The following DPYSL3 variants were observed in gnomAD, a reference collection of about 807,000 sequenced individuals.
DPYSL3 encodes the protein dihydropyrimidinase like 3, also known as dihydropyrimidinase-related protein 3.
A neutral mutation model predicts 66.1 loss-of-function variants in DPYSL3; 16 were observed. The observed-to-expected ratio is 0.24, with a 90% CI of 0.16 to 0.37. DPYSL3 has a LOEUF of 0.37. Ranked by LOEUF, DPYSL3 falls within the 10% of genes least tolerant of loss-of-function variation. The probability of loss-of-function intolerance (pLI) is 1.00; values close to 1 mark genes in which losing one functional copy is unlikely to be tolerated. For missense variants in DPYSL3, 738 were observed against 916.2 expected, an observed-to-expected ratio of 0.81 and a Z score of 2.51; for synonymous variants, 338 against 345.1, an observed-to-expected ratio of 0.98 and a Z score of 0.23.
At chr5:147,473,512 T>A (rs1221459816) in intron 1 of DPYSL3, among the ~76,000 whole-genome samples, 1 of 152,192 alleles carries the variant, frequency 6.6e-6, no homozygotes, top group Non-Finnish European at 1.5e-5. Context: ...TAAAGATTAA[T>A]CCACAGGTGA....
intron 1 of DPYSL3, among the ~76,000 whole-genome samples, chr5:147,495,692 G>A (rs1753491824): frequency 6.6e-6 from 1 of 152,116 alleles, no homozygotes; most frequent in Non-Finnish European, 1.5e-5. Flanking sequence ...AACTTACAAG[G>A]GATGTGAAGG....
chr5:147,405,594 T>C lies in DPYSL3; in HGVS notation c.1153+16A>G. 1.2e-6 allele frequency: 2 copies of C among 1,606,242 alleles called. No homozygotes were observed. Among genetic ancestry groups the C allele is most frequent in the South Asian group, 2.2e-5 (2 of 89,646 alleles). The stretch of plus-strand genomic sequence containing the variant: ...AGTGCCATCAGGGGCTCCGAGATCT[T>C]GGAAACACAAATCACCTTTTTTCCT... On this transcript the variant is annotated intron_variant, in intron 8 of 13. Transcript: ENST00000343218.
intron 8 of DPYSL3, among the ~76,000 whole-genome samples, chr5:147,403,554 T>TA (rs930698884): frequency 6.6e-6 from 1 of 152,090 alleles, no homozygotes; most frequent in African/African-American, 2.4e-5. Context: ...TTCTACACAA[T>TA]AAAAAAATTA....
chr5:147,458,518 C>T (rs994121302), intron 1 of DPYSL3, among the ~76,000 whole-genome samples: 2 of 152,212 alleles, frequency 1.3e-5, no homozygotes, highest in African/African-American at 2.4e-5. Flanking sequence ...TGTTCCTTTA[C>T]TTTCTTAATA....
chr5:147,395,387 G>A (rs1218682223), intron 13 of DPYSL3, among the ~76,000 whole-genome samples, 172 bp downstream of exon 13: 3 of 152,138 alleles, frequency 2.0e-5, no homozygotes, highest in Non-Finnish European at 2.9e-5. Flanking sequence ...AGGACCCCTT[G>A]TCAATTCAGG....
intron 1 of DPYSL3, among the ~76,000 whole-genome samples, chr5:147,466,864 G>A (rs867149494): frequency 2.2e-4 from 33 of 152,222 alleles, no homozygotes; most frequent in African/African-American, 8.0e-4. Context: ...GCGGGGGAAA[G>A]TAGGGATGGC....
In DPYSL3 at chr5:147,402,354, C is replaced by CT. The variant is rs1233640144; in HGVS notation, c.1154-659dup. The stretch of plus-strand genomic sequence containing the variant: ...AGACTCTCATGACTTTTTTTTTTTT[C>CT]TTTTTTTTTTTGAGACGGAGTCTCG... On this transcript the variant is annotated intron_variant, in intron 8 of 13. Transcript: ENST00000343218. Among the ~76,000 whole-genome samples the CT allele has an allele frequency of 7.3e-3, 840 of 115,424 alleles. 19 individuals are homozygous for CT. Among genetic ancestry groups the CT allele is most frequent in the Middle Eastern group, 8.3e-3 (2 of 240 alleles). The allele number at this position is 115,424 out of a possible 152,430, so 75.7% of individuals were successfully genotyped here. A position where few individuals can be genotyped will look rare whatever the true frequency, so the allele number is the denominator to read the frequency against.
At chr5:147,408,861 T>C in intron 6 of DPYSL3, 65 bp from the exon 7 acceptor site, 2 of 1,487,998 alleles carry the variant, frequency 1.3e-6, no homozygotes, top group East Asian at 2.3e-5. Context: ...ATTACGCTGG[T>C]ATGTTCTGAT....
intron 13 of DPYSL3, among the ~76,000 whole-genome samples, chr5:147,394,686 A>C (rs927864713): frequency 6.2e-4 from 94 of 152,154 alleles, no homozygotes; most frequent in South Asian, 1.2e-3. Context: ...CAACAACAAA[A>C]AAAAAAAGGC....
In DPYSL3 at chr5:147,392,611, A is replaced by G. The variant is rs1191265869; in HGVS notation, c.*1424T>C. 6.6e-6 allele frequency: 1 copy of G among 152,246 alleles called. No homozygotes were observed. The highest frequency in any genetic ancestry group is 1.9e-4 in the East Asian group (1 of 5,204). The allele number at this position is 152,246 out of a possible 1,614,324, so 9.4% of individuals were successfully genotyped here. A position where few individuals can be genotyped will look rare whatever the true frequency, so the allele number is the denominator to read the frequency against. ...ATCTTGCTCACAGGACTTGCTCCAA[A>G]ACTGAATTTTCAGAAGCAGCATGAT... On this transcript the variant is annotated 3_prime_UTR_variant, in exon 14 of 14. Transcript: ENST00000343218.
At chr5:147,504,980 T>C (rs913253792) in intron 1 of DPYSL3, among the ~76,000 whole-genome samples, 1 of 152,250 alleles carries the variant, frequency 6.6e-6, no homozygotes, top group African/African-American at 2.4e-5. Context: ...TGGAAAAGCA[T>C]CTTGAGAAAT....
At chr5:147,408,656 C>CT in intron 7 of DPYSL3, 72 bp downstream of exon 7, 1 of 1,517,766 alleles carries the variant, frequency 6.6e-7, no homozygotes, top group Non-Finnish European at 9.1e-7. Context: ...CAACCTGGTA[C>CT]TCACATTCTC....
At chr5:147,447,795 G>A (rs770796661) in intron 1 of DPYSL3, among the ~76,000 whole-genome samples, 2 of 152,166 alleles carry the variant, frequency 1.3e-5, no homozygotes, top group African/African-American at 2.4e-5. Flanking sequence ...CTGAGATCGC[G>A]CCACTGCACT....
chr5:147,491,240 A>C lies in DPYSL3; in HGVS notation c.381+18238T>G, dbSNP rs537266423. Among the ~76,000 whole-genome samples the C allele has an allele frequency of 2.0e-5, 3 of 152,298 alleles. No individual in the cohort carries two copies. The East Asian group carries it at 5.8e-4, about 29-fold the overall frequency. On this transcript the variant is annotated intron_variant, in intron 1 of 13. Transcript: ENST00000343218. ...ACTGAGAAGCACTTGAAACATTCAC[A>C]GTCCAGGGTCACAGGCTCACCAAAA...
intron 3 of DPYSL3, 140 bp downstream of exon 3, chr5:147,418,307 T>C (rs1752012399): frequency 1.2e-6 from 1 of 818,470 alleles, no homozygotes; most frequent in African/African-American, 1.7e-5. Flanking sequence ...CAATCTGCTT[T>C]TCTCAGGTCC....
chr5:147,418,465 C>T lies in DPYSL3; in HGVS notation c.637G>A (p.Gly213Ser). 2.5e-6 allele frequency: 4 copies of T among 1,609,452 alleles called. No homozygotes were observed. Among genetic ancestry groups the T allele is most frequent in the Non-Finnish European group, 1.7e-6 (2 of 1,177,786 alleles). Residue 213 changes from glycine to serine, a missense_variant, in exon 3 of 14, where the codon GGT becomes AGT. Physicochemically the swap from Gly to Ser is moderately conservative, Grantham distance 56. Transcript: ENST00000343218. ...GACTTACTGATCATGGTGGTGCCAC[C>T]TGCTAAGGCCGCCTTTGTCCCTTGG... ...FFQGTKAALA[G>S]GTTMIIDHVV...
intron 1 of DPYSL3, among the ~76,000 whole-genome samples, chr5:147,474,052 T>C (rs1407644087): frequency 6.6e-6 from 1 of 152,118 alleles, no homozygotes; most frequent in Non-Finnish European, 1.5e-5. Context: ...CTACATAAAA[T>C]ACTTGCTTTA....
intron 1 of DPYSL3, among the ~76,000 whole-genome samples, chr5:147,501,699 G>A (rs1753615386): frequency 6.6e-6 from 1 of 151,912 alleles, no homozygotes. Flanking sequence ...GGCTGGTCTC[G>A]AACTCCTGAC....
chr5:147,509,985 G>A lies in DPYSL3; in HGVS notation c.-127C>T. On this transcript the variant is annotated 5_prime_UTR_variant, in exon 1 of 14. Transcript: ENST00000343218. The surrounding 1 kb of genome is among the most constrained non-coding windows in gnomAD (Gnocchi z 5.3). ...GCGCCTGAGCCTTCGCGCCAGAGGC[G>A]GCAGTGCTGCTCCGATTCCTGCTTG... 7.3e-7 allele frequency: 1 copy of A among 1,379,190 alleles called. No homozygotes were observed. Among genetic ancestry groups the A allele is most frequent in the Non-Finnish European group, 9.5e-7 (1 of 1,049,818 alleles). 85.4% of individuals were successfully genotyped at this position (1,379,190 alleles called of 1,614,324 possible). A position where few individuals can be genotyped will look rare whatever the true frequency, so the allele number is the denominator to read the frequency against.
Sources: gnomAD v4.1 joint callset for allele counts (sites outside exome capture counted in the v4.1 genomes callset) on GRCh38, gnomAD v4.1.1 for gene constraint, Gnocchi (gnomAD v3.1) non-coding constraint, MANE v1.5 for transcripts, NCBI Gene and HGNC (gene_info 2026-07-23, HGNC 2026-07-21) for gene names.